FBXL20: variants seen among roughly 807,000 people sequenced by gnomAD.
FBXL20 encodes F-box and leucine rich repeat protein 20.
In FBXL20, 11 loss-of-function variants were observed where a neutral mutation model predicts 64.0. The observed-to-expected ratio is 0.17, with a 90% CI of 0.11 to 0.28. The LOEUF is 0.28. FBXL20 is among the 10% of genes least tolerant of loss of function. The pLI, the probability that FBXL20 is intolerant of heterozygous loss-of-function variation, is 1.00. For synonymous variants in FBXL20, 184 were observed against 189.0 expected, an observed-to-expected ratio of 0.97 and a Z score of 0.22; for missense variants, 303 against 526.2, an observed-to-expected ratio of 0.58 and a Z score of 4.15.
Position 39,270,859 on chromosome 17 carries a change from G to C in FBXL20, c.828-3C>G. On this transcript the variant is annotated splice_region_variant and splice_polypyrimidine_tract_variant and intron_variant, in intron 10 of 14. Coordinates refer to ENST00000264658, the MANE Select transcript of FBXL20 (RefSeq NM_032875.3). ...AACATCTTGCCACTTCCAATATTCT[G>C]TTAAAAAAAAAAAAAAAACAGTGAA... The C allele has an allele frequency of 7.6e-7, 1 of 1,322,160 alleles. No individual in the cohort carries two copies. The highest frequency in any genetic ancestry group is 2.3e-5 in the Admixed American group (1 of 43,436). 81.9% of individuals were successfully genotyped at this position (1,322,160 alleles called of 1,614,324 possible).
chr17:39,336,785 T>C (rs566466942), intron 2 of FBXL20, among the ~76,000 whole-genome samples: 123 of 150,708 alleles, frequency 8.2e-4, no homozygotes, highest in African/African-American at 2.9e-3. Flanking sequence ...GATTGCACCA[T>C]TGCACTCCAG....
intron 4 of FBXL20, among the ~76,000 whole-genome samples, chr17:39,300,527 C>A (rs141222821): frequency 6.6e-6 from 1 of 152,282 alleles, no homozygotes; most frequent in East Asian, 1.9e-4. Context: ...ACTTCTCTCT[C>A]TAGCAAAAAC....
In FBXL20 at chr17:39,270,806, G is replaced by A. The variant is rs1250366114; in HGVS notation, c.878C>T (p.Thr293Ile). The change falls in exon 11 of 15, where the codon ACT becomes ATT. Residue 293 changes from threonine to isoleucine, a missense_variant. Around this residue, in one of 3 missense-constraint regions of FBXL20, gnomAD observed 246 missense variants for 422.6 expected, o/e 0.58. Transcript: ENST00000264658. ...AAAGAAAATACTTACCCTGGCTAGAGTGGTAAAGCCCACATCTGTTAATTG... is the reference window on the plus strand; with the variant it reads ...AAAGAAAATACTTACCCTGGCTAGAATGGTAAAGCCCACATCTGTTAATTG... ...CSQLTDVGFT[T>I]LARNCHELEK... 1 of 1,608,126 alleles carries A rather than the reference G, an allele frequency of 6.2e-7. No homozygotes were observed.
At chr17:39,344,307 C>T (rs1388461300) in intron 1 of FBXL20, among the ~76,000 whole-genome samples, 3 of 149,898 alleles carry the variant, frequency 2.0e-5, no homozygotes, top group Non-Finnish European at 4.4e-5. Flanking sequence ...GCTGAGATCA[C>T]ACCACTGCAC....
intron 1 of FBXL20, among the ~76,000 whole-genome samples, chr17:39,386,047 A>C: frequency 7.5e-6 from 1 of 132,504 alleles, no homozygotes; most frequent in Non-Finnish European, 1.6e-5. Flanking sequence ...AAAAAAAAAC[A>C]CCAACTAATC....
intron 1 of FBXL20, among the ~76,000 whole-genome samples, chr17:39,365,633 C>T (rs2047851981): frequency 8.1e-6 from 1 of 123,296 alleles, no homozygotes; most frequent in South Asian, 2.2e-4. Context: ...TCACTGCTCT[C>T]AGTCCAAAAA....
chr17:39,302,592 C>G (rs1183442974), intron 3 of FBXL20, among the ~76,000 whole-genome samples: 1 of 152,120 alleles, frequency 6.6e-6, no homozygotes, highest in Non-Finnish European at 1.5e-5. Context: ...CCAGGAGGGT[C>G]TCTATCTCCC....
chr17:39,279,789 T>C (rs546402745), intron 9 of FBXL20, among the ~76,000 whole-genome samples: 1 of 152,072 alleles, frequency 6.6e-6, no homozygotes, highest in African/African-American at 2.4e-5. Context: ...TCCCAACTAC[T>C]AGGGAGGCTG....
intron 12 of FBXL20, among the ~76,000 whole-genome samples, chr17:39,267,250 T>TC (rs2046799720): frequency 6.7e-6 from 1 of 150,202 alleles, no homozygotes; most frequent in Non-Finnish European, 1.5e-5. Context: ...GACTCTGTCC[T>TC]CCCCACCCCA....
intron 2 of FBXL20, among the ~76,000 whole-genome samples, chr17:39,317,911 CG>C (rs1280213453): frequency 6.6e-6 from 1 of 151,052 alleles, no homozygotes; most frequent in Non-Finnish European, 1.5e-5. Context: ...CCGTGTTAGC[CG>C]GGATGGTCTC....
At chr17:39,315,393 T>TTTTATATATATATATA (rs147050998) in intron 2 of FBXL20, among the ~76,000 whole-genome samples, 9 of 134,562 alleles carry the variant, frequency 6.7e-5, no homozygotes, top group African/African-American at 2.4e-4. Context: ...TTTAAATAAT[T>TTTTATATATATATATA]TATATATATA....
Position 39,382,373 on chromosome 17 carries a change from G to A in FBXL20, c.42+18988C>T, listed in dbSNP as rs1031706270. Among the ~76,000 whole-genome samples the A allele has an allele frequency of 3.3e-5, 5 of 150,112 alleles. No individual in the cohort carries two copies. The East Asian group carries it at 7.9e-4, about 24-fold the overall frequency. On this transcript the variant is annotated intron_variant, in intron 1 of 14. Coordinates refer to ENST00000264658, the MANE Select transcript of FBXL20 (RefSeq NM_032875.3). ...AAGGAGAATGGCGTGAACCCAGGAG[G>A]TGGAGGTTGCAGTGAGCCCAGATCG...
chr17:39,324,978 G>A (rs913044086), intron 2 of FBXL20, among the ~76,000 whole-genome samples: 2 of 152,228 alleles, frequency 1.3e-5, no homozygotes, highest in African/African-American at 2.4e-5. Context: ...TGCCAAGGAA[G>A]GTGGATGGGT....
At chr17:39,315,827 G>A (rs1442654282) in intron 2 of FBXL20, among the ~76,000 whole-genome samples, 1 of 113,966 alleles carries the variant, frequency 8.8e-6, no homozygotes, top group Non-Finnish European at 1.7e-5. Flanking sequence ...GAGAGAGAGA[G>A]ACAGAGAGAG....
intron 1 of FBXL20, among the ~76,000 whole-genome samples, chr17:39,376,787 G>A (rs1012645878): frequency 6.6e-6 from 1 of 152,146 alleles, no homozygotes; most frequent in African/African-American, 2.4e-5. Context: ...GATCAAGGCA[G>A]GAGGATTGCT....
At chr17:39,269,909 C>T (rs1220639026) in intron 11 of FBXL20, among the ~76,000 whole-genome samples, 2 of 152,242 alleles carry the variant, frequency 1.3e-5, no homozygotes, top group African/African-American at 2.4e-5. Context: ...AGCCACTGCA[C>T]CCAGGCTATG....
At chr17:39,292,789 T>G (rs982959023) in intron 6 of FBXL20, among the ~76,000 whole-genome samples, 8 of 151,002 alleles carry the variant, frequency 5.3e-5, no homozygotes, top group Middle Eastern at 3.4e-3. Context: ...ATATGTCTTA[T>G]AATTTTTTTT....
chr17:39,328,023 G>C (rs373725200), intron 2 of FBXL20, among the ~76,000 whole-genome samples: 3 of 152,002 alleles, frequency 2.0e-5, no homozygotes, highest in African/African-American at 7.2e-5. Context: ...CAAGGCAGGC[G>C]CATCACATGA....
chr17:39,386,217 G>T (rs563443744), intron 1 of FBXL20, among the ~76,000 whole-genome samples: 26 of 151,926 alleles, frequency 1.7e-4, no homozygotes, highest in Middle Eastern at 3.4e-3. Context: ...TGAGGCAGGA[G>T]AATCTCTTGA....
Sources: allele counts gnomAD v4.1 joint callset (sites outside exome capture counted in the v4.1 genomes callset), GRCh38; gene constraint gnomAD v4.1.1; regional missense constraint gnomAD v4.1.1; transcripts MANE v1.5; gene names NCBI Gene and HGNC (gene_info 2026-07-23, HGNC 2026-07-21).